EXOC6B: variants seen among roughly 807,000 people sequenced by gnomAD.
The protein encoded by EXOC6B is exocyst complex component 6B.
Under a neutral mutation model 113.5 loss-of-function variants are expected in EXOC6B, and 54 were observed. The ratio of observed to expected loss-of-function variants is 0.48; its 90% CI spans 0.38 to 0.60. EXOC6B has a LOEUF of 0.60. EXOC6B is among the 20% of genes least tolerant of loss of function. The pLI is 0.00. For synonymous variants in EXOC6B, 357 were observed against 339.0 expected (o/e 1.05, Z -0.58); for missense variants, 797 against 977.5 (o/e 0.82, Z 2.46).
chr2:72,740,310 A>G (rs1265429211), intron 2 of EXOC6B, among the ~76,000 whole-genome samples: 1 of 152,200 alleles, frequency 6.6e-6, no homozygotes, highest in African/African-American at 2.4e-5. Flanking sequence ...CAATAAGAAA[A>G]AAAGAATTAA....
At chr2:72,709,191 C>T (rs1679104752) in intron 6 of EXOC6B, among the ~76,000 whole-genome samples, 1 of 152,094 alleles carries the variant, frequency 6.6e-6, no homozygotes, top group African/African-American at 2.4e-5. Flanking sequence ...CCATCCTGAA[C>T]ATTTTGAATA....
In EXOC6B at chr2:72,723,669, G is replaced by A. The variant is rs567332267; in HGVS notation, c.465-5362C>T. 5.3e-5 allele frequency among the ~76,000 whole-genome samples: 8 copies of A among 149,906 alleles called. No individual in the cohort carries two copies. The South Asian group carries it at 1.5e-3, about 28-fold the overall frequency. ...AATACGTAATTTCTTCTGTGCGCTA[G>A]AGATAGAAAGATGTTCAGATGTCTT... On this transcript the variant is annotated intron_variant, in intron 5 of 21. Coordinates refer to ENST00000272427, the MANE Select transcript of EXOC6B (RefSeq NM_015189.3).
At chr2:72,436,299 A>G (rs1695867796) in intron 18 of EXOC6B, among the ~76,000 whole-genome samples, 2 of 152,022 alleles carry the variant, frequency 1.3e-5, no homozygotes, top group African/African-American at 4.8e-5. Flanking sequence ...CTTTGTGGGT[A>G]ACCTGACCTT....
intron 20 of EXOC6B, among the ~76,000 whole-genome samples, chr2:72,264,820 A>G (rs964338084): frequency 3.3e-5 from 5 of 151,960 alleles, no homozygotes; most frequent in African/African-American, 4.8e-5. Flanking sequence ...CTGCCTTGTG[A>G]AGAGGTGCTT....
intron 1 of EXOC6B, among the ~76,000 whole-genome samples, chr2:72,808,087 T>C (rs1315574552): frequency 6.6e-6 from 1 of 152,114 alleles, no homozygotes; most frequent in East Asian, 1.9e-4. Context: ...ACACCTACTA[T>C]GGCTACAGTA....
chr2:72,192,486 A>T (rs1478187204), intron 20 of EXOC6B, among the ~76,000 whole-genome samples: 1 of 152,194 alleles, frequency 6.6e-6, no homozygotes, highest in East Asian at 1.9e-4. Flanking sequence ...CAAGGTTCCA[A>T]TGGAAGACAC....
At chr2:72,705,232 A>G (rs1315685516) in intron 6 of EXOC6B, among the ~76,000 whole-genome samples, 1 of 152,194 alleles carries the variant, frequency 6.6e-6, no homozygotes, top group Non-Finnish European at 1.5e-5. Flanking sequence ...AAAAACCACA[A>G]TTATCTCAAT....
intron 11 of EXOC6B, among the ~76,000 whole-genome samples, chr2:72,512,611 T>C (rs573035542): frequency 3.3e-5 from 5 of 152,116 alleles, no homozygotes; most frequent in Non-Finnish European, 7.4e-5. Flanking sequence ...ACAGTAGAAC[T>C]GTGAACTCCA....
At chr2:72,775,075 C>T (rs1450975019) in intron 1 of EXOC6B, among the ~76,000 whole-genome samples, 1 of 152,138 alleles carries the variant, frequency 6.6e-6, no homozygotes, top group Non-Finnish European at 1.5e-5. Context: ...TTCCATGTCC[C>T]CTTCAGACAT....
chr2:72,287,254 C>G (rs1348952261), intron 20 of EXOC6B, among the ~76,000 whole-genome samples: 4 of 151,322 alleles, frequency 2.6e-5, no homozygotes, highest in Non-Finnish European at 5.9e-5. Context: ...ACGATGAAAC[C>G]CCGTCTCTAC....
intron 11 of EXOC6B, among the ~76,000 whole-genome samples, chr2:72,501,651 T>C (rs941036972): frequency 2.6e-5 from 4 of 151,748 alleles, no homozygotes; most frequent in Admixed American, 6.6e-5. Flanking sequence ...CTTTTCATGG[T>C]TAATAAATTA....
At chr2:72,420,106 T>G (rs1342107954) in intron 18 of EXOC6B, among the ~76,000 whole-genome samples, 3 of 152,202 alleles carry the variant, frequency 2.0e-5, no homozygotes, top group Admixed American at 6.5e-5. Flanking sequence ...ATTTTTCACT[T>G]TATGTATTAT....
chr2:72,660,970 C>T (rs1439326778), intron 6 of EXOC6B, among the ~76,000 whole-genome samples: 1 of 152,078 alleles, frequency 6.6e-6, no homozygotes. Flanking sequence ...TAAAGAAATG[C>T]CCTTTTTTCT....
At chr2:72,380,501 G>A (rs755924891) in intron 18 of EXOC6B, among the ~76,000 whole-genome samples, 80 of 152,126 alleles carry the variant, frequency 5.3e-4, no homozygotes, top group Admixed American at 1.3e-3. Context: ...TTAGCTGGGC[G>A]TGGTGGCAGG....
chr2:72,483,648 T>C (rs1040275445), intron 16 of EXOC6B, among the ~76,000 whole-genome samples: 55 of 152,212 alleles, frequency 3.6e-4, no homozygotes, highest in African/African-American at 1.3e-3. Flanking sequence ...GTAGATACCA[T>C]GTCATTTTCA....
At chr2:72,657,261 T>C (rs1022218267) in intron 6 of EXOC6B, among the ~76,000 whole-genome samples, 2 of 144,096 alleles carry the variant, frequency 1.4e-5, no homozygotes, top group African/African-American at 5.1e-5. Context: ...AGTCTCGCTC[T>C]GTTGGCCAGG....
intron 18 of EXOC6B, among the ~76,000 whole-genome samples, chr2:72,382,676 A>T (rs1417135400): frequency 6.6e-6 from 1 of 151,674 alleles, no homozygotes; most frequent in African/African-American, 2.4e-5. Flanking sequence ...ATGTTTTTCC[A>T]TTTTTTTTGA....
chr2:72,487,749 G>A (rs1327910501), intron 16 of EXOC6B, among the ~76,000 whole-genome samples: 12 of 152,170 alleles, frequency 7.9e-5, no homozygotes, highest in Non-Finnish European at 1.6e-4. Flanking sequence ...TGCTTAGACT[G>A]GGCTCATGGG....
intron 20 of EXOC6B, among the ~76,000 whole-genome samples, chr2:72,312,356 TG>T (rs1687243144): frequency 6.6e-6 from 1 of 151,854 alleles, no homozygotes; most frequent in Non-Finnish European, 1.5e-5. Context: ...GGTAGAGACA[TG>T]TGAATTGAAA....
Sources: allele counts gnomAD v4.1 joint callset (sites outside exome capture counted in the v4.1 genomes callset), GRCh38; gene constraint gnomAD v4.1.1; transcripts MANE v1.5; gene names NCBI Gene and HGNC (gene_info 2026-07-23, HGNC 2026-07-21).